TNS1: variants seen among roughly 807,000 people sequenced by gnomAD.
The protein encoded by TNS1 is tensin 1.
In TNS1, 62 loss-of-function variants were observed where a neutral mutation model predicts 168.6. The observed-to-expected ratio is 0.37, with a 90% confidence interval of 0.30 to 0.45. TNS1 has a LOEUF of 0.45. Ranked by LOEUF, TNS1 falls within the 20% of genes least tolerant of loss-of-function variation. The pLI, the probability that TNS1 is intolerant of heterozygous loss-of-function variation, is 1.00. For missense variants in TNS1, 2,240 were observed against 2,339.4 expected, an observed-to-expected ratio of 0.96 and a Z score of 0.88; for synonymous variants, 934 against 933.2, an observed-to-expected ratio of 1.00 and a Z score of -0.02.
At chr2:217,866,634 G>A (rs1027575686) in intron 18 of TNS1, among the ~76,000 whole-genome samples, 2 of 152,264 alleles carry the variant, frequency 1.3e-5, no homozygotes, top group South Asian at 2.1e-4. Flanking sequence ...AAGCTGACCC[G>A]GCAGACAGCG....
chr2:217,877,879 C>T (rs1026512449), intron 18 of TNS1, among the ~76,000 whole-genome samples: 1 of 152,120 alleles, frequency 6.6e-6, no homozygotes, highest in Non-Finnish European at 1.5e-5. Context: ...CTGCTGACTG[C>T]CTGGCTGGGT....
chr2:217,945,386 A>T (rs1422498094), intron 3 of TNS1, among the ~76,000 whole-genome samples: 1 of 152,156 alleles, frequency 6.6e-6, no homozygotes, highest in Non-Finnish European at 1.5e-5. Flanking sequence ...CCACAGGGAG[A>T]TGGCCAGTAC....
At chr2:217,827,790 G>C (rs1214685627) in intron 22 of TNS1, among the ~76,000 whole-genome samples, 1 of 152,232 alleles carries the variant, frequency 6.6e-6, no homozygotes, top group Non-Finnish European at 1.5e-5. Context: ...TCTGGCCAGA[G>C]CACTTGGGGC....
At chr2:217,906,238 A>G (rs887675184) in intron 6 of TNS1, 97 bp downstream of exon 6, 42 of 672,864 alleles carry the variant, frequency 6.2e-5, no homozygotes, top group Non-Finnish European at 1.1e-4. Context: ...AGGTAAAGGA[A>G]GCCCACGAAA....
chr2:217,874,909 C>G (rs553693863), intron 18 of TNS1, among the ~76,000 whole-genome samples: 83 of 152,298 alleles, frequency 5.4e-4, no homozygotes, highest in African/African-American at 1.8e-3. Context: ...AGCTTAGAAC[C>G]AGATCTTCTG....
At chr2:217,825,995 T>C (rs1943563269) in intron 22 of TNS1, among the ~76,000 whole-genome samples, 1 of 152,164 alleles carries the variant, frequency 6.6e-6, no homozygotes, top group African/African-American at 2.4e-5. Flanking sequence ...ACAGCCCTTG[T>C]GCATTGGGTG....
rs533906934 is a variant in TNS1 at position 217,946,036 on chromosome 2, C to T, written c.187-25800G>A. ...CGTATTATCCCAACGGACATCAAAG[C>T]GTCCCAGCTCCCCACTGCCTGCTAC... On this transcript the variant is annotated intron_variant, in intron 3 of 32. Coordinates refer to ENST00000682258, the MANE Select transcript of TNS1 (RefSeq NM_001387777.1). Among the ~76,000 whole-genome samples, 22 of 152,314 alleles carry T rather than the reference C, an allele frequency of 1.4e-4. No individual in the cohort carries two copies. The South Asian group carries it at 2.1e-3, about 14-fold the overall frequency.
chr2:217,895,012 A>G lies in TNS1; in HGVS notation c.588T>C (p.His196=), dbSNP rs751250909. The G allele has an allele frequency of 3.7e-6, 6 of 1,612,890 alleles. No homozygotes were observed. The African/African-American group carries it at 5.3e-5, about 14-fold the overall frequency. The change falls in exon 9 of 33, where the codon CAT becomes CAC. Residue 196 remains histidine (H), a synonymous_variant. Transcript: ENST00000682258. The part of the protein sequence containing the change: ...SERRPDITKL[H]AKVLEFGWPD... ...AAAACAGCCCCTGGCTCACCTTGGC[A>G]TGGAGCTTCGTGATGTCAGGTCTCC...
chr2:217,821,165 T>C (rs1016271052), intron 23 of TNS1, among the ~76,000 whole-genome samples: 1 of 152,166 alleles, frequency 6.6e-6, no homozygotes, highest in African/African-American at 2.4e-5. Flanking sequence ...CATCTGACTC[T>C]CATCCTGTGC....
chr2:218,013,742 G>A (rs1958730823), upstream of TNS1, among the ~76,000 whole-genome samples: 1 of 152,094 alleles, frequency 6.6e-6, no homozygotes, highest in Admixed American at 6.5e-5. Flanking sequence ...GACTGGCAAG[G>A]GGGGCTATAC....
At position 217,897,692 on chromosome 2, in the gene TNS1, G is replaced by T. The variant is rs934381283; in HGVS notation, c.543+106C>A. 6 of 1,234,096 alleles carry T rather than the reference G, an allele frequency of 4.9e-6. No individual in the cohort carries two copies. The African/African-American group carries it at 6.2e-5, about 13-fold the overall frequency. The allele number at this position is 1,234,096 out of a possible 1,614,324, so 76.4% of individuals were successfully genotyped here. A position where few individuals can be genotyped will look rare whatever the true frequency, so the allele number is the denominator to read the frequency against. On this transcript the variant is annotated intron_variant, in intron 8 of 32. Coordinates refer to ENST00000682258, the MANE Select transcript of TNS1 (RefSeq NM_001387777.1). ...AAGGCAGATAAACAAAGAGAAGAGG[G>T]CATGCTGGCACAGGGGCTGGTGGCA...
rs1950629007 is a variant in TNS1 at position 217,881,007 on chromosome 2, C to A, written c.1320G>T (p.Glu440Asp). 6.2e-7 allele frequency: 1 copy of A among 1,613,448 alleles called. No individual in the cohort carries two copies. The highest frequency in any genetic ancestry group is 8.5e-7 in the Non-Finnish European group (1 of 1,179,414). Reference protein sequence around the residue: ...SYGPEKIQGMEHLENGPSVSV... With the variant: ...SYGPEKIQGMDHLENGPSVSV... ...ACACGCTCGGCCCGTTCTCCAGGTG[C>A]TCCATGCCTAAGTGGGATGGGAAAG... Residue 440 changes from glutamate (E) to aspartate (D), a missense_variant, in exon 18 of 33, where the codon GAG becomes GAT. Physicochemically the swap from Glu to Asp is conservative, Grantham distance 45. Transcript: ENST00000682258.
chr2:217,884,926 G>C, intron 16 of TNS1, 109 bp downstream of exon 16: 1 of 1,423,680 alleles, frequency 7.0e-7, no homozygotes, highest in Non-Finnish European at 9.6e-7. Context: ...AGACTAGACA[G>C]ACCACATGGT....
intron 3 of TNS1, among the ~76,000 whole-genome samples, chr2:217,967,591 T>C (rs2126019896): frequency 6.6e-6 from 1 of 152,190 alleles, no homozygotes; most frequent in African/African-American, 2.4e-5. Context: ...TAGAAAGGCA[T>C]AAACTACCAA....
At chr2:217,860,866 C>T (rs1364951594) in intron 18 of TNS1, among the ~76,000 whole-genome samples, 2 of 152,132 alleles carry the variant, frequency 1.3e-5, no homozygotes, top group Non-Finnish European at 2.9e-5. Flanking sequence ...AACACTACCA[C>T]ACAATAGTTC....
rs772051298 is a variant in TNS1 at position 217,847,937 on chromosome 2, G to A, written c.2580C>T (p.Pro860=). 16 of 1,517,798 alleles carry A rather than the reference G, an allele frequency of 1.1e-5. No homozygotes were observed. Among genetic ancestry groups the A allele is most frequent in the African/African-American group, 6.9e-5 (5 of 72,244 alleles). The allele number at this position is 1,517,798 out of a possible 1,614,324, so 94.0% of individuals were successfully genotyped here. A position where few individuals can be genotyped will look rare whatever the true frequency, so the allele number is the denominator to read the frequency against. ...AAPLHKSQSV[P]GAWPGASPLS... is the part of the protein sequence containing the mutation. ...GTGGAGAAGCCCCTGGCCAGGCCCC[G>A]GGGACACTCTGGGACTTGTGTAGTG... Residue 860 remains proline (P), a synonymous_variant, in exon 19 of 33, where the codon CCC becomes CCT. Coordinates refer to ENST00000682258, the MANE Select transcript of TNS1 (RefSeq NM_001387777.1).
chr2:217,827,269 G>A (rs944931595), intron 22 of TNS1, among the ~76,000 whole-genome samples: 9 of 152,266 alleles, frequency 5.9e-5, no homozygotes, highest in East Asian at 5.8e-4. Flanking sequence ...TTCGCACAGC[G>A]CCTGGGACAT....
intron 3 of TNS1, among the ~76,000 whole-genome samples, chr2:217,972,553 C>T (rs190199503): frequency 8.9e-4 from 135 of 152,328 alleles, no homozygotes; most frequent in African/African-American, 3.2e-3. Flanking sequence ...CAAGCTGTTG[C>T]TGCAGCCTCC....
chr2:217,907,118 T>C, intron 5 of TNS1, 92 bp downstream of exon 5: 3 of 685,296 alleles, frequency 4.4e-6, no homozygotes, highest in Non-Finnish European at 5.4e-6. Context: ...ACCACATCTG[T>C]CCACTCTCCC....
Sources: allele counts gnomAD v4.1 joint callset (sites outside exome capture counted in the v4.1 genomes callset), GRCh38; gene constraint gnomAD v4.1.1; transcripts MANE v1.5; gene names NCBI Gene and HGNC (gene_info 2026-07-23, HGNC 2026-07-21).